ZSWIM9: variants seen among roughly 807,000 people sequenced by gnomAD.
The protein encoded by ZSWIM9 is zinc finger SWIM-type containing 9.
ZSWIM9 carries 11 observed loss-of-function variants against 25.0 expected under a neutral mutation model. The ratio of observed to expected loss-of-function variants is 0.44; its 90% CI spans 0.28 to 0.73. The LOEUF (loss-of-function observed/expected upper bound fraction) is 0.73, where lower values mean the gene tolerates loss of function less well. Ranked by LOEUF, ZSWIM9 falls within the 30% of genes least tolerant of loss-of-function variation. The pLI is 0.16. For synonymous variants in ZSWIM9, 562 were observed against 582.1 expected (o/e 0.97, Z 0.50); for missense variants, 1,070 against 1,296.5 (o/e 0.83, Z 2.68).
rs1342299389 is a variant in ZSWIM9, at chr19:48,182,858, C to G, written c.588+91C>G. 1 of 857,592 alleles carries G rather than the reference C, an allele frequency of 1.2e-6. No individual in the cohort carries two copies. Among genetic ancestry groups the G allele is most frequent in the East Asian group, 2.7e-5 (1 of 37,392 alleles). The allele number at this position is 857,592 out of a possible 1,614,324, so 53.1% of individuals were successfully genotyped here. A position where few individuals can be genotyped will look rare whatever the true frequency, so the allele number is the denominator to read the frequency against. Reference sequence around the variant, plus strand: ...TCATTCATGCCTTCATCCGCCCTCTCATCCCTTCACTCCTTTCCTCCATTC... The same window carrying G: ...TCATTCATGCCTTCATCCGCCCTCTGATCCCTTCACTCCTTTCCTCCATTC... On this transcript the variant is annotated intron_variant, in intron 3 of 3. Coordinates refer to ENST00000614654, the MANE Select transcript of ZSWIM9 (RefSeq NM_199341.4). This position sits in a 1 kb window ranked among gnomAD's most constrained non-coding sequence, Gnocchi z 4.6.
Position 48,182,328 on chromosome 19 carries a change from C to A in ZSWIM9, c.276-127C>A. The A allele has an allele frequency of 1.3e-6, 1 of 791,006 alleles. No individual in the cohort carries two copies. Among genetic ancestry groups the A allele is most frequent in the Non-Finnish European group, 1.9e-6 (1 of 513,642 alleles). 49.0% of individuals were successfully genotyped at this position (791,006 alleles called of 1,614,324 possible). A position where few individuals can be genotyped will look rare whatever the true frequency, so the allele number is the denominator to read the frequency against. ...CCCCAGGTCACACAGCTGGCATATTCTTAGGGCCCTCTACTCTTCTCTATG... is the reference window on the plus strand; with the variant it reads ...CCCCAGGTCACACAGCTGGCATATTATTAGGGCCCTCTACTCTTCTCTATG... On this transcript the variant is annotated intron_variant, in intron 2 of 3. Transcript: ENST00000614654. This position sits in a 1 kb window ranked among gnomAD's most constrained non-coding sequence, Gnocchi z 4.6.
At chr19:48,172,105 T>C (rs1259634305) in intron 2 of ZSWIM9, 28 bp downstream of exon 2, 1 of 636,994 alleles carries the variant, frequency 1.6e-6, no homozygotes, top group Non-Finnish European at 2.2e-6. Flanking sequence ...GCTGTCCTGC[T>C]GGGGGGAAGG....
chr19:48,192,270 T>G (rs937757293), intron 3 of ZSWIM9, among the ~76,000 whole-genome samples: 3 of 150,132 alleles, frequency 2.0e-5, no homozygotes, highest in African/African-American at 7.4e-5. Context: ...GCCAACATGG[T>G]GAAACCCCAT....
At chr19:48,172,622 T>G (rs1274691518) in intron 2 of ZSWIM9, among the ~76,000 whole-genome samples, 7 of 152,158 alleles carry the variant, frequency 4.6e-5, no homozygotes, top group Non-Finnish European at 7.3e-5. Context: ...CAAGCGTTGT[T>G]TCTCCTGCCT....
At chr19:48,191,695 C>T (rs1220829687) in intron 3 of ZSWIM9, among the ~76,000 whole-genome samples, 2 of 152,180 alleles carry the variant, frequency 1.3e-5, no homozygotes, top group Admixed American at 1.3e-4. Flanking sequence ...AGATGCTTCC[C>T]CGTGCTACCA....
chr19:48,172,596 C>A (rs560333223), intron 2 of ZSWIM9, among the ~76,000 whole-genome samples: 8 of 152,260 alleles, frequency 5.3e-5, no homozygotes, highest in African/African-American at 1.4e-4. Flanking sequence ...TCACTGCAAC[C>A]TCCACCTCCC....
chr19:48,196,215 G>A lies in ZSWIM9; in HGVS notation c.2151G>A (p.Leu717=), dbSNP rs1271768912. ...KRRRGLEDIV[L]VQLGDTRVTG... is the part of the protein sequence containing the mutation. ...GAAGGGGCCTGGAGGATATAGTTCT[G>A]GTCCAGCTGGGAGACACGAGGGTCA... Residue 717 remains leucine (L), a synonymous_variant, in exon 4 of 4, where the codon CTG becomes CTA. Transcript: ENST00000614654. The A allele has an allele frequency of 1.5e-5, 18 of 1,233,766 alleles. No individual in the cohort carries two copies. The highest frequency in any genetic ancestry group is 1.7e-5 in the Non-Finnish European group (17 of 989,302). The allele number at this position is 1,233,766 out of a possible 1,614,324, so 76.4% of individuals were successfully genotyped here. A position where few individuals can be genotyped will look rare whatever the true frequency, so the allele number is the denominator to read the frequency against.
chr19:48,180,722 CAA>C (rs1167963180), intron 2 of ZSWIM9: 1 of 151,484 alleles, frequency 6.6e-6, no homozygotes, highest in African/African-American at 2.4e-5. Context: ...TGCTCGGAAA[CAA>C]AGAGTTTTCT....
Sources: allele counts gnomAD v4.1 joint callset (sites outside exome capture counted in the v4.1 genomes callset), GRCh38; gene constraint gnomAD v4.1.1; non-coding constraint Gnocchi (gnomAD v3.1); transcripts MANE v1.5; gene names NCBI Gene and HGNC (gene_info 2026-07-23, HGNC 2026-07-21).